Variants in AMPD3 observed in about 807,000 individuals in gnomAD.
AMPD3 encodes AMP deaminase 3.
A neutral mutation model predicts 82.3 loss-of-function variants in AMPD3; 57 were observed. That is an observed-to-expected ratio of 0.69 (90% confidence interval 0.56 to 0.86). The LOEUF (loss-of-function observed/expected upper bound fraction) is 0.86, where lower values mean the gene tolerates loss of function less well. Among genes scored for constraint, AMPD3 ranks in the 40% least tolerant of loss-of-function variants. The pLI, the probability that AMPD3 is intolerant of heterozygous loss-of-function variation, is 0.00. For missense variants in AMPD3, 870 were observed against 1,003.8 expected, an observed-to-expected ratio of 0.87 and a Z score of 1.80; for synonymous variants, 381 against 394.7, an observed-to-expected ratio of 0.97 and a Z score of 0.41.
intron 10 of AMPD3, among the ~76,000 whole-genome samples, chr11:10,497,962 T>C (rs1849468548): frequency 6.6e-6 from 1 of 152,198 alleles, no homozygotes; most frequent in Non-Finnish European, 1.5e-5. Flanking sequence ...CCCTGGATTA[T>C]CTCATTTAAT....
chr11:10,465,921 A>G (rs1035598454), intron 2 of AMPD3, among the ~76,000 whole-genome samples: 1 of 151,930 alleles, frequency 6.6e-6, no homozygotes, highest in African/African-American at 2.4e-5. Flanking sequence ...CAGGGAGCCA[A>G]GTGGTCTGGC....
chr11:10,498,149 A>G (rs533012898), intron 10 of AMPD3, among the ~76,000 whole-genome samples: 1 of 152,366 alleles, frequency 6.6e-6, no homozygotes, highest in East Asian at 1.9e-4. Context: ...GGTGCACAGC[A>G]GCTACCAGCT....
At chr11:10,497,292 G>T (rs1591481839) in intron 10 of AMPD3, among the ~76,000 whole-genome samples, 1 of 150,890 alleles carries the variant, frequency 6.6e-6, no homozygotes, top group African/African-American at 2.4e-5. Flanking sequence ...GCAGCCTCAG[G>T]TTTTTTTTTC....
chr11:10,465,618 G>A (rs1193650618), intron 2 of AMPD3, among the ~76,000 whole-genome samples: 1 of 152,128 alleles, frequency 6.6e-6, no homozygotes, highest in African/African-American at 2.4e-5. Context: ...AGGGATGGGG[G>A]AATTATCTTC....
intron 10 of AMPD3, among the ~76,000 whole-genome samples, chr11:10,498,168 T>C (rs1849473587): frequency 6.6e-6 from 1 of 152,208 alleles, no homozygotes; most frequent in African/African-American, 2.4e-5. Flanking sequence ...CTTGCGTCTC[T>C]GAGGTGTGGC....
At chr11:10,457,701 C>T (rs191215887) in intron 1 of AMPD3, among the ~76,000 whole-genome samples, 2 of 152,272 alleles carry the variant, frequency 1.3e-5, no homozygotes, top group East Asian at 3.9e-4. Context: ...TCAAGACCAG[C>T]CTGGCCAACA....
intron 9 of AMPD3, chr11:10,496,324 G>A: frequency 1.0e-6 from 1 of 985,388 alleles, no homozygotes; most frequent in African/African-American, 1.7e-5. Flanking sequence ...TCCTTTTGGT[G>A]AGCCCCAGGG....
At chr11:10,478,773 G>A in intron 3 of AMPD3, 43 bp downstream of exon 3, 2 of 1,599,824 alleles carry the variant, frequency 1.3e-6, no homozygotes, top group South Asian at 2.2e-5. Context: ...TGCATGCAAA[G>A]GCCAGGGGCC....
intron 2 of AMPD3, among the ~76,000 whole-genome samples, chr11:10,476,623 A>T (rs867520639): frequency 1.3e-5 from 2 of 152,250 alleles, no homozygotes; most frequent in South Asian, 4.1e-4. Context: ...AAAAACAGTG[A>T]GCTGGAAGGC....
At chr11:10,450,904 G>T, upstream of AMPD3, 2 of 1,241,950 alleles carry the variant, frequency 1.6e-6, no homozygotes, top group Non-Finnish European at 2.0e-6. Flanking sequence ...GCCTGCTGCG[G>T]GGCGCGGCCT....
chr11:10,453,525 C>T (rs1848011478), upstream of AMPD3, among the ~76,000 whole-genome samples: 1 of 152,114 alleles, frequency 6.6e-6, no homozygotes, highest in Non-Finnish European at 1.5e-5. Context: ...GAAAAATGAA[C>T]CCCTCTATGC....
rs1211362450 is a variant in AMPD3 at position 10,495,716 on chromosome 11, C to T, written c.1413C>T (p.Ile471=). ...ACTCTCCCAACATGCGCTGGATCAT[C>T]CAGGTGCCCCGGATTTAGTAAGTGA... ...KVYSPNMRWI[I]QVPRIYDIFR... is the part of the protein sequence containing the mutation. Residue 471 remains isoleucine, a synonymous_variant, in exon 9 of 15, where the codon ATC becomes ATT. Transcript: ENST00000396553. The T allele has an allele frequency of 6.2e-7, 1 of 1,614,052 alleles. No homozygotes were observed.
chr11:10,457,554 T>C (rs1297420590), intron 1 of AMPD3, among the ~76,000 whole-genome samples: 1 of 152,162 alleles, frequency 6.6e-6, no homozygotes, highest in Non-Finnish European at 1.5e-5. Context: ...AGATATGTTA[T>C]AGAAAGCTGT....
chr11:10,456,152 C>G lies in AMPD3; in HGVS notation c.-6+704C>G. 1 of 1,390,342 alleles carries G rather than the reference C, an allele frequency of 7.2e-7. No individual in the cohort carries two copies. The highest frequency in any genetic ancestry group is 9.3e-7 in the Non-Finnish European group (1 of 1,074,128). The allele number at this position is 1,390,342 out of a possible 1,614,324, so 86.1% of individuals were successfully genotyped here. The stretch of plus-strand genomic sequence containing the variant: ...GATAACTGGGATTACCTGGGGACTT[C>G]AGGGCTCTTGGAAATTTTCCACTCA... On this transcript the variant is annotated intron_variant, in intron 1 of 14. Coordinates refer to ENST00000396553, the MANE Select transcript of AMPD3 (RefSeq NM_001025389.2). The surrounding 1 kb of genome is among the most constrained non-coding windows in gnomAD (Gnocchi z 4.3).
intron 6 of AMPD3, among the ~76,000 whole-genome samples, chr11:10,490,069 A>C (rs1849197643): frequency 6.6e-6 from 1 of 152,112 alleles, no homozygotes; most frequent in Admixed American, 6.5e-5. Flanking sequence ...CGTATGTCTA[A>C]AGTGGCTATT....
At chr11:10,476,359 G>A (rs1316311516) in intron 2 of AMPD3, among the ~76,000 whole-genome samples, 2 of 152,196 alleles carry the variant, frequency 1.3e-5, no homozygotes, top group African/African-American at 4.8e-5. Context: ...AATTCTTTGG[G>A]CACCAGTTTG....
At chr11:10,465,588 T>C (rs1039434096) in intron 2 of AMPD3, among the ~76,000 whole-genome samples, 1 of 152,140 alleles carries the variant, frequency 6.6e-6, no homozygotes, top group Non-Finnish European at 1.5e-5. Flanking sequence ...GGTGAGGCGT[T>C]GCCTCACCTG....
intron 9 of AMPD3, chr11:10,496,387 C>T (rs181829496): frequency 1.0e-6 from 1 of 985,434 alleles, no homozygotes; most frequent in African/African-American, 1.7e-5. Context: ...GGATGTCACT[C>T]AGACGGCTGC....
At chr11:10,458,252 T>G (rs1591437162) in intron 1 of AMPD3, among the ~76,000 whole-genome samples, 1 of 40,472 alleles carries the variant, frequency 2.5e-5, no homozygotes, top group African/African-American at 9.5e-5. Flanking sequence ...AAACCTCATC[T>G]CTAAAAAAAA....
Sources: gnomAD v4.1 joint callset for allele counts (sites outside exome capture counted in the v4.1 genomes callset) on GRCh38, gnomAD v4.1.1 for gene constraint, Gnocchi (gnomAD v3.1) non-coding constraint, MANE v1.5 for transcripts, NCBI Gene and HGNC (gene_info 2026-07-23, HGNC 2026-07-21) for gene names.